TSHZ1: variants seen among roughly 807,000 people sequenced by gnomAD.
TSHZ1 encodes teashirt homolog 1.
Under a neutral mutation model 67.1 loss-of-function variants are expected in TSHZ1, and 12 were observed. The ratio of observed to expected loss-of-function variants is 0.18; its 90% CI spans 0.11 to 0.29. TSHZ1 has a LOEUF of 0.29. Among genes scored for constraint, TSHZ1 ranks in the 10% least tolerant of loss-of-function variants. The pLI, the probability that TSHZ1 is intolerant of heterozygous loss-of-function variation, is 1.00. For synonymous variants in TSHZ1, 632 were observed against 622.4 expected (o/e 1.02, Z -0.23); for missense variants, 1,305 against 1,413.9 (o/e 0.92, Z 1.23).
chr18:75,222,857 G>C (rs1157808137), intron 1 of TSHZ1, among the ~76,000 whole-genome samples: 4 of 152,176 alleles, frequency 2.6e-5, no homozygotes, highest in Non-Finnish European at 5.9e-5. Context: ...AAATTTCTGG[G>C]AGTAACTGGC....
intron 1 of TSHZ1, among the ~76,000 whole-genome samples, chr18:75,237,536 A>G (rs1441423813): frequency 6.6e-6 from 1 of 152,136 alleles, no homozygotes; most frequent in Non-Finnish European, 1.5e-5. Flanking sequence ...ATAAAATAAG[A>G]ACAGTCATAT....
Position 75,285,659 on chromosome 18 carries a change from G to C in TSHZ1, c.252G>C (p.Gln84His). The C allele has an allele frequency of 6.2e-7, 1 of 1,614,036 alleles. No homozygotes were observed. Among genetic ancestry groups the C allele is most frequent in the Non-Finnish European group, 8.5e-7 (1 of 1,180,004 alleles). Reference protein sequence around the residue: ...YGSPFSESSDQLAHFKGSSSR... With the variant: ...YGSPFSESSDHLAHFKGSSSR... ...CGCCCTTCAGTGAGAGCAGCGACCA[G>C]CTAGCCCATTTCAAAGGCTCTTCCT... Residue 84 changes from glutamine (Q) to histidine (H), a missense_variant, in exon 2 of 2, where the codon CAG becomes CAC. By Grantham distance (24) the Gln-to-His change is conservative. This residue lies in a region of TSHZ1 where 358 missense variants were observed against 375.6 expected (regional missense o/e 0.95). Coordinates refer to ENST00000580243, the MANE Select transcript of TSHZ1 (RefSeq NM_001308210.2).
At chr18:75,268,573 A>G (rs1242173710) in intron 1 of TSHZ1, among the ~76,000 whole-genome samples, 2 of 152,038 alleles carry the variant, frequency 1.3e-5, no homozygotes, top group African/African-American at 4.8e-5. Flanking sequence ...CTACAAAACC[A>G]CTCTGACCAC....
At chr18:75,242,737 T>G (rs1263084336) in intron 1 of TSHZ1, among the ~76,000 whole-genome samples, 1 of 152,230 alleles carries the variant, frequency 6.6e-6, no homozygotes, top group African/African-American at 2.4e-5. Context: ...TGAGCAGTGG[T>G]GACTTAAAGT....
At chr18:75,265,752 G>A (rs891926874) in intron 1 of TSHZ1, among the ~76,000 whole-genome samples, 1 of 152,082 alleles carries the variant, frequency 6.6e-6, no homozygotes, top group Non-Finnish European at 1.5e-5. Context: ...CCCCTTCCAA[G>A]CTCAGAAATG....
rs187178246 is a variant in TSHZ1 at position 75,288,803 on chromosome 18, C to T, written c.*162C>T. The T allele has an allele frequency of 3.8e-5, 45 of 1,182,586 alleles. No homozygotes were observed. The highest frequency in any genetic ancestry group is 9.8e-5 in the South Asian group (5 of 51,062). The allele number at this position is 1,182,586 out of a possible 1,614,324, so 73.3% of individuals were successfully genotyped here. Reference sequence around the variant, plus strand: ...TTTGTATATTTATATGCTCTCTGTCCGATCTGTGCATGTTATTTTTCTTTT... The same window carrying T: ...TTTGTATATTTATATGCTCTCTGTCTGATCTGTGCATGTTATTTTTCTTTT... On this transcript the variant is annotated 3_prime_UTR_variant, in exon 2 of 2. Coordinates refer to ENST00000580243, the MANE Select transcript of TSHZ1 (RefSeq NM_001308210.2). The surrounding 1 kb of genome is among the most constrained non-coding windows in gnomAD (Gnocchi z 4.9).
Position 75,287,751 on chromosome 18 carries a change from C to T in TSHZ1, c.2344C>T (p.Leu782=), listed in dbSNP as rs1443281163. Residue 782 remains leucine (L), a synonymous_variant, in exon 2 of 2, where the codon CTG becomes TTG. Transcript: ENST00000580243. The surrounding 1 kb of genome is among the most constrained non-coding windows in gnomAD (Gnocchi z 5.0). ...GCTGTACAAGATCAGCAACAGCATGCTGGACAAGCCGGTGTACCCCGCCAC... is the reference window on the plus strand; with the variant it reads ...GCTGTACAAGATCAGCAACAGCATGTTGGACAAGCCGGTGTACCCCGCCAC... ...AMLYKISNSM[L]DKPVYPATPV... The T allele has an allele frequency of 6.2e-7, 1 of 1,613,760 alleles. No homozygotes were observed. Among genetic ancestry groups the T allele is most frequent in the Non-Finnish European group, 8.5e-7 (1 of 1,180,026 alleles).
chr18:75,225,695 C>T (rs574413108), intron 1 of TSHZ1, among the ~76,000 whole-genome samples: 6 of 151,804 alleles, frequency 4.0e-5, no homozygotes, highest in South Asian at 2.1e-4. Flanking sequence ...TGGGCTCGCA[C>T]GCCATCCTGA....
intron 1 of TSHZ1, among the ~76,000 whole-genome samples, chr18:75,246,393 T>C (rs1195466010): frequency 1.3e-5 from 2 of 149,002 alleles, no homozygotes; most frequent in African/African-American, 2.5e-5. Context: ...ATGGGGTGTT[T>C]TTGGTTTCTG....
intron 1 of TSHZ1, among the ~76,000 whole-genome samples, chr18:75,216,594 G>T (rs1412878211): frequency 6.6e-6 from 1 of 152,216 alleles, no homozygotes; most frequent in Admixed American, 6.5e-5. Flanking sequence ...GTTATAAGAG[G>T]TTTTGTGTTG....
chr18:75,252,821 T>G (rs2023320450), intron 1 of TSHZ1, among the ~76,000 whole-genome samples: 1 of 152,202 alleles, frequency 6.6e-6, no homozygotes, highest in African/African-American at 2.4e-5. Context: ...CTGTGTCCCC[T>G]TGTTTTAAGT....
chr18:75,235,984 A>AT (rs1568355955), intron 1 of TSHZ1, among the ~76,000 whole-genome samples: 2 of 152,164 alleles, frequency 1.3e-5, no homozygotes, highest in Admixed American at 6.5e-5. Context: ...CCTTGCCTCC[A>AT]CACCCACATT....
At chr18:75,237,787 C>T (rs1012279166) in intron 1 of TSHZ1, among the ~76,000 whole-genome samples, 4 of 104,282 alleles carry the variant, frequency 3.8e-5, no homozygotes, top group Admixed American at 9.6e-5. Context: ...AGCCTTCTTT[C>T]TTTCATTTAT....
chr18:75,249,233 C>A (rs1348565550), intron 1 of TSHZ1, among the ~76,000 whole-genome samples: 1 of 152,188 alleles, frequency 6.6e-6, no homozygotes, highest in African/African-American at 2.4e-5. Context: ...TCCTGCAACT[C>A]CTCTGGTGGA....
At chr18:75,252,463 T>G (rs2023316913) in intron 1 of TSHZ1, among the ~76,000 whole-genome samples, 1 of 152,174 alleles carries the variant, frequency 6.6e-6, no homozygotes, top group South Asian at 2.1e-4. Context: ...TTTATGTAGT[T>G]TAGTTGGTCC....
chr18:75,224,584 C>T (rs901296368), intron 1 of TSHZ1, among the ~76,000 whole-genome samples: 1 of 152,040 alleles, frequency 6.6e-6, no homozygotes, highest in Non-Finnish European at 1.5e-5. Flanking sequence ...ATGTATGATC[C>T]CCCCCTCCCC....
chr18:75,260,644 T>A (rs946342973), intron 1 of TSHZ1, among the ~76,000 whole-genome samples: 3 of 152,194 alleles, frequency 2.0e-5, no homozygotes, highest in South Asian at 2.1e-4. Context: ...CAAAAAGGTG[T>A]GCAGAGGGCA....
At chr18:75,256,506 C>T (rs1021069135) in intron 1 of TSHZ1, among the ~76,000 whole-genome samples, 1 of 152,182 alleles carries the variant, frequency 6.6e-6, no homozygotes, top group African/African-American at 2.4e-5. Flanking sequence ...ATAGTTCCAC[C>T]TTCTCCTATT....
At chr18:75,266,759 G>A (rs1484485083) in intron 1 of TSHZ1, among the ~76,000 whole-genome samples, 3 of 152,178 alleles carry the variant, frequency 2.0e-5, no homozygotes, top group Admixed American at 6.5e-5. Context: ...GAGTCCTGGC[G>A]GGGACTCCCT....
Sources: gnomAD v4.1 joint callset for allele counts (sites outside exome capture counted in the v4.1 genomes callset) on GRCh38, gnomAD v4.1.1 for gene constraint, gnomAD v4.1.1 regional missense constraint, Gnocchi (gnomAD v3.1) non-coding constraint, MANE v1.5 for transcripts, NCBI Gene and HGNC (gene_info 2026-07-23, HGNC 2026-07-21) for gene names.